The following MYO16 variants were observed in gnomAD, a reference collection of about 807,000 sequenced individuals.
MYO16 encodes the protein unconventional myosin-XVI.
MYO16 carries 94 observed loss-of-function variants against 205.3 expected under a neutral mutation model. That is an observed-to-expected ratio of 0.46 (90% CI 0.39 to 0.54). The LOEUF is 0.54. Ranked by LOEUF, MYO16 falls within the 20% of genes least tolerant of loss-of-function variation. The probability of loss-of-function intolerance (pLI) is 0.00; values close to 1 mark genes in which losing one functional copy is unlikely to be tolerated. For synonymous variants in MYO16, 988 were observed against 954.0 expected, an observed-to-expected ratio of 1.04 and a Z score of -0.66; for missense variants, 2,315 against 2,387.5, an observed-to-expected ratio of 0.97 and a Z score of 0.63.
chr13:108,739,617 G>A (rs548582952), intron 4 of MYO16, among the ~76,000 whole-genome samples: 59 of 152,110 alleles, frequency 3.9e-4, no homozygotes, highest in Middle Eastern at 3.4e-3. Context: ...ATGTGTCTTG[G>A]AGTTGCTCTT....
intron 19 of MYO16, among the ~76,000 whole-genome samples, chr13:108,964,410 C>T (rs1321208097): frequency 2.0e-5 from 3 of 152,120 alleles, no homozygotes; most frequent in Non-Finnish European, 4.4e-5. Context: ...TTTCCACATG[C>T]CTTAGGATGA....
intron 34 of MYO16, among the ~76,000 whole-genome samples, chr13:109,180,758 G>T (rs906373520): frequency 6.6e-5 from 10 of 152,180 alleles, no homozygotes; most frequent in Non-Finnish European, 1.2e-4. Flanking sequence ...GAAATAGAAA[G>T]AAAATGCTGA....
intron 7 of MYO16, among the ~76,000 whole-genome samples, chr13:108,814,784 C>T (rs536201985): frequency 1.1e-4 from 16 of 152,064 alleles, no homozygotes; most frequent in Admixed American, 5.2e-4. Flanking sequence ...AGAACACTGG[C>T]AAGAGCCATA....
intron 2 of MYO16, among the ~76,000 whole-genome samples, chr13:108,706,064 A>G (rs2139531450): frequency 6.6e-6 from 1 of 152,316 alleles, no homozygotes; most frequent in South Asian, 2.1e-4. Context: ...TAGTAAATTG[A>G]AACTGACTCA....
chr13:108,809,550 T>G, intron 7 of MYO16, among the ~76,000 whole-genome samples: 1 of 149,392 alleles, frequency 6.7e-6, no homozygotes, highest in Non-Finnish European at 1.5e-5. Flanking sequence ...AGAAAGAGAG[T>G]TGGGGGATGT....
At chr13:109,205,434 T>C (rs569734667) in intron 34 of MYO16, among the ~76,000 whole-genome samples, 1 of 152,222 alleles carries the variant, frequency 6.6e-6, no homozygotes, top group East Asian at 1.9e-4. Context: ...TTGTGTTCTG[T>C]TTTGTTTTAT....
chr13:108,873,674 T>C (rs1400386643), intron 12 of MYO16, among the ~76,000 whole-genome samples: 2 of 125,718 alleles, frequency 1.6e-5, no homozygotes, highest in African/African-American at 5.8e-5. Flanking sequence ...CAGGACAGGG[T>C]CCATGCCAAC....
intron 2 of MYO16, among the ~76,000 whole-genome samples, chr13:108,690,198 G>A (rs1882837598): frequency 6.6e-6 from 1 of 151,986 alleles, no homozygotes; most frequent in Admixed American, 6.6e-5. Flanking sequence ...ACTTCAGTGG[G>A]AGGGTTTGGG....
chr13:108,529,949 A>G, the MYO16 span, among the ~76,000 whole-genome samples: 1 of 152,088 alleles, frequency 6.6e-6, no homozygotes, highest in Non-Finnish European at 1.5e-5. Context: ...TATTTATTTG[A>G]TTTCTCTCTC....
Position 109,052,420 on chromosome 13 carries a change from A to G in MYO16, c.2993A>G (p.Lys998Arg). 6.2e-7 allele frequency: 1 copy of G among 1,612,712 alleles called. No homozygotes were observed. Among genetic ancestry groups the G allele is most frequent in the Non-Finnish European group, 8.5e-7 (1 of 1,178,994 alleles). ...CATAAGTCTGCCCTGCTCAGTAAGAAAATGACAGCTTCTTCAATTATTGGA... is the reference window on the plus strand; with the variant it reads ...CATAAGTCTGCCCTGCTCAGTAAGAGAATGACAGCTTCTTCAATTATTGGA... Reference protein sequence around the residue: ...RGHKSALLSKKMTASSIIGEN... With the variant: ...RGHKSALLSKRMTASSIIGEN... The change falls in exon 25 of 35, where the codon AAA becomes AGA. Residue 998 changes from lysine (K) to arginine (R), a missense_variant. Lys to Arg is a conservative substitution (Grantham distance 26). Transcript: ENST00000457511.
chr13:108,808,288 C>A (rs1483235544), intron 7 of MYO16, among the ~76,000 whole-genome samples: 1 of 120,140 alleles, frequency 8.3e-6, no homozygotes, highest in African/African-American at 2.8e-5. Flanking sequence ...AGAAATAGAA[C>A]CTTCTTCTTT....
chr13:108,870,132 G>A lies in MYO16; in HGVS notation c.1425+3890G>A, dbSNP rs189658076. Among the ~76,000 whole-genome samples, 104 of 151,890 alleles carry A rather than the reference G, an allele frequency of 6.8e-4. 1 individual carries two copies. Among genetic ancestry groups the A allele is most frequent in the Admixed American group, 1.4e-3 (21 of 15,250 alleles). On this transcript the variant is annotated intron_variant, in intron 12 of 34. Transcript: ENST00000457511. ...TTAAGAAGTCTTTTTCATAGAAAAC[G>A]TATTGAATTTTATCAAATGTAAGTA...
chr13:108,990,188 AAAAC>A lies in MYO16; in HGVS notation c.2370-2180_2370-2177del, dbSNP rs960660493. ...CACACACACACACACACACACGACC[AAAAC>A]AAACAAAAAATCACGCTAAGCCTCA... is the stretch of plus-strand genomic sequence containing the variant. On this transcript the variant is annotated intron_variant, in intron 20 of 34. Coordinates refer to ENST00000457511, the MANE Select transcript of MYO16 (RefSeq NM_001198950.3). Among the ~76,000 whole-genome samples the A allele has an allele frequency of 3.8e-4, 57 of 150,042 alleles. 1 individual carries two copies. Among genetic ancestry groups the A allele is most frequent in the African/African-American group, 1.3e-3 (55 of 41,060 alleles).
intron 32 of MYO16, among the ~76,000 whole-genome samples, chr13:109,142,892 G>A (rs2139813621): frequency 6.6e-6 from 1 of 152,210 alleles, no homozygotes; most frequent in East Asian, 1.9e-4. Context: ...TTAAATCCCT[G>A]CTTTCATTCT....
intron 33 of MYO16, 37 bp downstream of exon 33, chr13:109,165,096 AG>A: frequency 1.3e-6 from 2 of 1,502,558 alleles, no homozygotes; most frequent in Non-Finnish European, 1.8e-6. Flanking sequence ...AATGTACAAA[AG>A]TTTTAGGCTG....
At chr13:108,807,623 G>A (rs1037467743) in intron 7 of MYO16, among the ~76,000 whole-genome samples, 5 of 151,978 alleles carry the variant, frequency 3.3e-5, no homozygotes, top group East Asian at 1.9e-4. Context: ...CAGTTTCTTC[G>A]AGGCTATCCC....
chr13:109,055,611 C>CT lies in MYO16; in HGVS notation c.3335+18dup, dbSNP rs763477646. On this transcript the variant is annotated intron_variant, in intron 27 of 34. Coordinates refer to ENST00000457511, the MANE Select transcript of MYO16 (RefSeq NM_001198950.3). The surrounding 1 kb of genome is among the most constrained non-coding windows in gnomAD (Gnocchi z 5.0). ...TCCTGTCAAGGTAAATTCTTCTGCT[C>CT]TTAAAATCGTCGTTCTCGCTGCTGT... 2 of 1,599,760 alleles carry CT rather than the reference C, an allele frequency of 1.3e-6. No homozygotes were observed. The highest frequency in any genetic ancestry group is 2.7e-5 in the African/African-American group (2 of 74,734).
the MYO16 span, among the ~76,000 whole-genome samples, chr13:108,591,130 C>A: frequency 6.6e-6 from 1 of 152,092 alleles, no homozygotes; most frequent in South Asian, 2.1e-4. Flanking sequence ...TAGAAGAAGT[C>A]CCAGGTCCCT....
chr13:108,697,879 C>A (rs1883149747), intron 2 of MYO16, among the ~76,000 whole-genome samples: 1 of 152,082 alleles, frequency 6.6e-6, no homozygotes, highest in African/African-American at 2.4e-5. Context: ...TGCACCACCA[C>A]ACCTGGCTAA....
Sources: gnomAD v4.1 joint callset for allele counts (sites outside exome capture counted in the v4.1 genomes callset) on GRCh38, gnomAD v4.1.1 for gene constraint, Gnocchi (gnomAD v3.1) non-coding constraint, MANE v1.5 for transcripts, NCBI Gene and HGNC (gene_info 2026-07-23, HGNC 2026-07-21) for gene names.